Variants in SEMA3A observed in about 807,000 individuals in gnomAD.
SEMA3A encodes the protein semaphorin-3A.
In SEMA3A, 29 loss-of-function variants were observed where a neutral mutation model predicts 97.9. That is an observed-to-expected ratio of 0.30 (90% CI 0.22 to 0.40). The LOEUF is 0.40. Ranked by LOEUF, SEMA3A falls within the 10% of genes least tolerant of loss-of-function variation. The pLI, the probability that SEMA3A is intolerant of heterozygous loss-of-function variation, is 1.00. For synonymous variants in SEMA3A, 321 were observed against 323.7 expected (o/e 0.99, Z 0.09); for missense variants, 763 against 951.3 (o/e 0.80, Z 2.60).
intron 5 of SEMA3A, among the ~76,000 whole-genome samples, chr7:84,051,917 T>A (rs1316228948): frequency 2.0e-5 from 3 of 150,198 alleles, no homozygotes; most frequent in Admixed American, 6.7e-5. Flanking sequence ...GTTTTTAGCA[T>A]GAAGGGTTGT....
chr7:84,316,160 A>AAAAAAT (rs1801495750), intron 2 of SEMA3A, among the ~76,000 whole-genome samples: 7 of 141,658 alleles, frequency 4.9e-5, no homozygotes, highest in South Asian at 2.1e-4. Flanking sequence ...AAAAAAAAAA[A>AAAAAAT]GTGCTCCCTG....
At chr7:84,107,001 T>C (rs1223279263) in intron 4 of SEMA3A, among the ~76,000 whole-genome samples, 1 of 152,174 alleles carries the variant, frequency 6.6e-6, no homozygotes, top group East Asian at 1.9e-4. Flanking sequence ...AATAGCAAAG[T>C]ACACACACAA....
chr7:84,351,049 G>C (rs1441817120), intron 2 of SEMA3A, among the ~76,000 whole-genome samples: 1 of 147,810 alleles, frequency 6.8e-6, no homozygotes, highest in Non-Finnish European at 1.5e-5. Context: ...ACACATGCAT[G>C]CAGATGTACA....
chr7:84,382,618 G>C (rs1304261336), intron 1 of SEMA3A, among the ~76,000 whole-genome samples: 1 of 147,946 alleles, frequency 6.8e-6, no homozygotes, highest in Non-Finnish European at 1.5e-5. Flanking sequence ...CAGTGCTTTG[G>C]GAGGCCAAGG....
chr7:84,262,276 A>T, intron 3 of SEMA3A, among the ~76,000 whole-genome samples: 1 of 152,120 alleles, frequency 6.6e-6, no homozygotes, highest in East Asian at 1.9e-4. Context: ...GTGCAATGGT[A>T]CGAGCCTGGC....
At chr7:84,113,550 T>A (rs1173877116) in intron 3 of SEMA3A, among the ~76,000 whole-genome samples, 1 of 152,182 alleles carries the variant, frequency 6.6e-6, no homozygotes, top group African/African-American at 2.4e-5. Flanking sequence ...CAGAATGTAA[T>A]GTACTTTTTG....
intron 1 of SEMA3A, among the ~76,000 whole-genome samples, chr7:84,418,948 T>C (rs1032031517): frequency 2.4e-4 from 35 of 148,854 alleles, no homozygotes; most frequent in Non-Finnish European, 3.4e-4. Flanking sequence ...TATCTACACA[T>C]ATATATATAC....
intron 15 of SEMA3A, among the ~76,000 whole-genome samples, chr7:83,965,854 G>A (rs1000447369): frequency 5.4e-5 from 8 of 148,480 alleles, no homozygotes; most frequent in Admixed American, 2.7e-4. Context: ...CTAGTTTTTC[G>A]TATTTTAATA....
At chr7:84,427,380 A>G (rs57701633) in intron 1 of SEMA3A, among the ~76,000 whole-genome samples, 11,118 of 152,124 alleles carry the variant, frequency 0.073, 427 homozygotes, top group East Asian at 0.12. Flanking sequence ...CGACATGAAA[A>G]ACATTTTGAT....
At chr7:84,358,071 T>G (rs1056636850) in intron 2 of SEMA3A, among the ~76,000 whole-genome samples, 2 of 152,216 alleles carry the variant, frequency 1.3e-5, no homozygotes, top group Non-Finnish European at 2.9e-5. Context: ...AAAACTTTTC[T>G]CCCATTCTGT....
chr7:84,162,279 G>C (rs531384577), intron 1 of SEMA3A, among the ~76,000 whole-genome samples: 1 of 152,238 alleles, frequency 6.6e-6, no homozygotes, highest in Non-Finnish European at 1.5e-5. Flanking sequence ...TGCTCTGTGA[G>C]TGGCTAGCAG....
chr7:84,114,389 A>G (rs534930845), intron 3 of SEMA3A, among the ~76,000 whole-genome samples: 8 of 152,114 alleles, frequency 5.3e-5, no homozygotes, highest in Non-Finnish European at 1.2e-4. Context: ...GCTCAACTAT[A>G]AATCAGTCCA....
At chr7:84,431,305 G>A (rs1266150680) in intron 1 of SEMA3A, among the ~76,000 whole-genome samples, 2 of 151,956 alleles carry the variant, frequency 1.3e-5, no homozygotes, top group African/African-American at 4.8e-5. Context: ...TATTGAAAGG[G>A]CAATTTCGTT....
At chr7:84,212,511 G>A (rs1798654515) in intron 3 of SEMA3A, among the ~76,000 whole-genome samples, 1 of 150,192 alleles carries the variant, frequency 6.7e-6, no homozygotes, top group African/African-American at 2.5e-5. Flanking sequence ...TATAACAAAT[G>A]ATCTTATGAA....
intron 3 of SEMA3A, among the ~76,000 whole-genome samples, chr7:84,113,190 G>A (rs977967328): frequency 1.3e-5 from 2 of 152,214 alleles, no homozygotes; most frequent in Admixed American, 6.5e-5. Context: ...TAGTTGAGAG[G>A]AGACTCATCG....
chr7:84,007,525 G>C (rs763834163), intron 9 of SEMA3A, 28 bp from the exon 10 acceptor site: 2 of 1,485,696 alleles, frequency 1.3e-6, no homozygotes, highest in Non-Finnish European at 1.8e-6. Context: ...AATAAAAACA[G>C]AAGTTCATCT....
chr7:84,289,181 G>C (rs1800675751), intron 3 of SEMA3A, among the ~76,000 whole-genome samples: 1 of 152,100 alleles, frequency 6.6e-6, no homozygotes, highest in Admixed American at 6.6e-5. Flanking sequence ...CATGGAATTA[G>C]AGAGTAGAAT....
rs143839234 is a variant in SEMA3A at position 84,350,193 on chromosome 7, C to G, written c.-169+21631G>C. Among the ~76,000 whole-genome samples, 340 of 152,038 alleles carry G rather than the reference C, an allele frequency of 2.2e-3. 1 individual carries two copies. The highest frequency in any genetic ancestry group is 7.9e-3 in the African/African-American group (326 of 41,466). On this transcript the variant is annotated intron_variant, in intron 2 of 3. Coordinates refer to the SEMA3A transcript ENST00000424555. ...TGTTTAGATTAAATGTTTCTCATAC[C>G]AATTCATATTTCTTATTTTAATTGT...
Position 84,428,041 on chromosome 7 carries a change from A to G in SEMA3A, c.-245-56141T>C, listed in dbSNP as rs1472194761. Among the ~76,000 whole-genome samples, 4 of 152,130 alleles carry G rather than the reference A, an allele frequency of 2.6e-5. No homozygotes were observed. In the East Asian group the frequency reaches 5.8e-4, roughly 22 times the overall value. On this transcript the variant is annotated intron_variant, in intron 1 of 3. Transcript: ENST00000424555. The stretch of plus-strand genomic sequence containing the variant: ...TCTTTAAAAATCCTGATATGAAAAA[A>G]GTTCAACAAATAGTTAATTTCTATT...
Sources: allele counts gnomAD v4.1 joint callset (sites outside exome capture counted in the v4.1 genomes callset), GRCh38; gene constraint gnomAD v4.1.1; transcripts MANE v1.5; gene names NCBI Gene and HGNC (gene_info 2026-07-23, HGNC 2026-07-21).